Variants in LAMA3 observed in about 807,000 individuals in gnomAD.
LAMA3 encodes laminin subunit alpha 3.
A neutral mutation model predicts 402.0 loss-of-function variants in LAMA3; 281 were observed. The ratio of observed to expected loss-of-function variants is 0.70; its 90% CI spans 0.63 to 0.77. The LOEUF is 0.77. LAMA3 is among the 30% of genes least tolerant of loss of function. The pLI is 0.00. For synonymous variants in LAMA3, 1,431 were observed against 1,558.4 expected (o/e 0.92, Z 1.93); for missense variants, 3,840 against 4,215.5 (o/e 0.91, Z 2.47).
At chr18:23,868,303 A>G (rs977043529) in intron 37 of LAMA3, among the ~76,000 whole-genome samples, 3 of 152,242 alleles carry the variant, frequency 2.0e-5, no homozygotes, top group East Asian at 1.9e-4. Context: ...CATGAATTAT[A>G]TAAAATGTGG....
At chr18:23,702,165 G>T (rs534851361) in intron 1 of LAMA3, among the ~76,000 whole-genome samples, 2 of 152,068 alleles carry the variant, frequency 1.3e-5, no homozygotes, top group South Asian at 4.2e-4. Flanking sequence ...TGAGGGGAAG[G>T]GGGTGGGAGT....
Position 23,689,910 on chromosome 18 carries a change from C to G in LAMA3, c.227C>G (p.Pro76Arg), listed in dbSNP as rs921871575. The G allele has an allele frequency of 1.3e-6, 2 of 1,534,270 alleles. No individual in the cohort carries two copies. The highest frequency in any genetic ancestry group is 1.8e-6 in the Non-Finnish European group (2 of 1,140,602). The change falls in exon 1 of 75, where the codon CCC (proline) becomes CGC (arginine). Residue 76 changes from proline (P) to arginine (R), a missense_variant. By Grantham distance (103) the Pro-to-Arg change is moderately radical. This residue lies in a region of LAMA3 where 2,109 missense variants were observed against 2,376.0 expected (regional missense o/e 0.89). Coordinates refer to ENST00000313654, the MANE Select transcript of LAMA3 (RefSeq NM_198129.4). Reference protein sequence around the residue: ...CGERGPGEGRPQPELYCKLVG... With the variant: ...CGERGPGEGRRQPELYCKLVG... Reference sequence around the variant, plus strand: ...GAGAGGGGACCCGGCGAGGGGAGGCCCCAGCCCGAGCTCTACTGCAAGTTG... The same window carrying G: ...GAGAGGGGACCCGGCGAGGGGAGGCGCCAGCCCGAGCTCTACTGCAAGTTG...
chr18:23,808,190 T>C (rs1464366858), intron 12 of LAMA3, among the ~76,000 whole-genome samples: 1 of 152,010 alleles, frequency 6.6e-6, no homozygotes, highest in Admixed American at 6.6e-5. Context: ...TCCAGGACCA[T>C]CCATGGGCAC....
intron 12 of LAMA3, among the ~76,000 whole-genome samples, chr18:23,793,241 G>A (rs570236678): frequency 2.7e-4 from 41 of 152,194 alleles, no homozygotes; most frequent in African/African-American, 9.4e-4. Context: ...GGTAGAGGAG[G>A]TGGTGGGGCC....
intron 17 of LAMA3, among the ~76,000 whole-genome samples, chr18:23,816,030 C>T (rs1031581906): frequency 6.6e-6 from 1 of 152,130 alleles, no homozygotes; most frequent in Non-Finnish European, 1.5e-5. Context: ...GTTTCTGAAG[C>T]GCGTTTACTC....
chr18:23,718,991 A>G (rs965335730), intron 2 of LAMA3, among the ~76,000 whole-genome samples: 11 of 152,220 alleles, frequency 7.2e-5, no homozygotes, highest in South Asian at 4.1e-4. Flanking sequence ...TGCCTTCTAC[A>G]TAATTCCTCA....
intron 8 of LAMA3, among the ~76,000 whole-genome samples, chr18:23,769,985 A>G (rs1329386386): frequency 6.6e-6 from 1 of 152,254 alleles, no homozygotes; most frequent in Non-Finnish European, 1.5e-5. Flanking sequence ...ACTTTAAGAC[A>G]AAGAGCATTA....
intron 6 of LAMA3, among the ~76,000 whole-genome samples, chr18:23,757,320 A>G (rs977417812): frequency 6.6e-6 from 1 of 150,960 alleles, no homozygotes; most frequent in African/African-American, 2.4e-5. Context: ...CGTGGCTCCC[A>G]TCCTTCCAGA....
intron 2 of LAMA3, among the ~76,000 whole-genome samples, chr18:23,738,182 A>T (rs1009314299): frequency 1.3e-5 from 2 of 151,936 alleles, no homozygotes; most frequent in Admixed American, 1.3e-4. Flanking sequence ...TGAAGTGTGG[A>T]TGTGTGGGGA....
intron 54 of LAMA3, among the ~76,000 whole-genome samples, 163 bp downstream of exon 54, chr18:23,908,098 C>T (rs2081310866): frequency 1.3e-5 from 2 of 152,178 alleles, no homozygotes; most frequent in Admixed American, 1.3e-4. Context: ...AGATATCCTG[C>T]TAGTTGGAAG....
rs58274189 is a variant in LAMA3, at chr18:23,937,371, C to CA, written c.8863-1825dup. 2.5e-3 allele frequency among the ~76,000 whole-genome samples: 230 copies of CA among 92,860 alleles called. 11 individuals carry two copies. The highest frequency in any genetic ancestry group is 0.01 in the African/African-American group (200 of 19,648). The allele number at this position is 92,860 out of a possible 152,430, so 60.9% of individuals were successfully genotyped here. A position where few individuals can be genotyped will look rare whatever the true frequency, so the allele number is the denominator to read the frequency against. The stretch of plus-strand genomic sequence containing the variant: ...ACAGAGTGAGACTCCTTCTCAAAAG[C>CA]AAAAAAAAAAAAAAAAAAAAAAAAA... On this transcript the variant is annotated intron_variant, in intron 67 of 74. Coordinates refer to ENST00000313654, the MANE Select transcript of LAMA3 (RefSeq NM_198129.4).
chr18:23,757,522 C>A (rs1269092274), intron 6 of LAMA3, among the ~76,000 whole-genome samples: 1 of 151,768 alleles, frequency 6.6e-6, no homozygotes, highest in African/African-American at 2.4e-5. Flanking sequence ...GCTCCAGCTC[C>A]CCCCAGCAGT....
At chr18:23,906,611 T>C (rs1455888206) in intron 52 of LAMA3, among the ~76,000 whole-genome samples, 1 of 152,172 alleles carries the variant, frequency 6.6e-6, no homozygotes, top group African/African-American at 2.4e-5. Context: ...AAATAATTTC[T>C]CTCCTTTCTG....
chr18:23,721,289 G>A (rs922853694), intron 2 of LAMA3, among the ~76,000 whole-genome samples: 1 of 152,132 alleles, frequency 6.6e-6, no homozygotes, highest in Non-Finnish European at 1.5e-5. Flanking sequence ...TTCTCATCAT[G>A]TCCAAACACA....
intron 68 of LAMA3, among the ~76,000 whole-genome samples, chr18:23,941,407 C>G (rs955200807): frequency 6.0e-5 from 9 of 149,498 alleles, no homozygotes; most frequent in Admixed American, 4.1e-4. Flanking sequence ...ACCCCTGTGC[C>G]TTCCCGTCCA....
rs779228347 is a variant in LAMA3, at chr18:23,876,322, A to C, written c.5027A>C (p.His1676Pro). The change falls in exon 39 of 75, where the codon CAT becomes CCT. Residue 1676 changes from histidine to proline, a missense_variant. This residue lies in a region of LAMA3 where 2,109 missense variants were observed against 2,376.0 expected (regional missense o/e 0.89). Transcript: ENST00000313654. Reference sequence around the variant, plus strand: ...TGTAGCCCTGGATACTATCGGGATCATAAAGGCTTGTATACCGGACGGTGT... The same window carrying C: ...TGTAGCCCTGGATACTATCGGGATCCTAAAGGCTTGTATACCGGACGGTGT... ...QGCSPGYYRD[H>P]KGLYTGRCVP... 4.3e-6 allele frequency: 7 copies of C among 1,613,986 alleles called. 1 individual carries two copies. In the Middle Eastern group the frequency reaches 6.6e-4, roughly 152 times the overall value.
In LAMA3 at chr18:23,930,267, A is replaced by G. The variant is rs1360863309; in HGVS notation, c.8437-795A>G. Among the ~76,000 whole-genome samples the G allele has an allele frequency of 2.0e-5, 3 of 152,348 alleles. No individual in the cohort carries two copies. The South Asian group carries it at 6.2e-4, about 32-fold the overall frequency. On this transcript the variant is annotated intron_variant, in intron 64 of 74. Coordinates refer to ENST00000313654, the MANE Select transcript of LAMA3 (RefSeq NM_198129.4). ...ATCTTGCCCAAATTTACATCTTCAGAGTTCAACATGGAGAATTGGACTTCC... is the reference window on the plus strand; with the variant it reads ...ATCTTGCCCAAATTTACATCTTCAGGGTTCAACATGGAGAATTGGACTTCC...
At chr18:23,889,041 G>A (rs1419694791) in intron 41 of LAMA3, among the ~76,000 whole-genome samples, 4 of 152,022 alleles carry the variant, frequency 2.6e-5, no homozygotes, top group Non-Finnish European at 5.9e-5. Flanking sequence ...AAAGGCTCAG[G>A]GCCAAAGGTA....
intron 10 of LAMA3, 142 bp from the exon 11 acceptor site, chr18:23,777,415 A>G (rs2062345771): frequency 3.0e-6 from 2 of 664,272 alleles, no homozygotes; most frequent in East Asian, 2.7e-5. Context: ...AGATATAGCA[A>G]TATCGCCTTT....
Sources: gnomAD v4.1 joint callset for allele counts (sites outside exome capture counted in the v4.1 genomes callset) on GRCh38, gnomAD v4.1.1 for gene constraint, gnomAD v4.1.1 regional missense constraint, MANE v1.5 for transcripts, NCBI Gene and HGNC (gene_info 2026-07-23, HGNC 2026-07-21) for gene names.